The following DGKG variants were observed in gnomAD, a reference collection of about 807,000 sequenced individuals.
DGKG encodes the protein DAG kinase gamma.
In DGKG, 78 loss-of-function variants were observed where a neutral mutation model predicts 105.3. The ratio of observed to expected loss-of-function variants is 0.74; its 90% confidence interval spans 0.62 to 0.89. The LOEUF (loss-of-function observed/expected upper bound fraction) is 0.89. DGKG is among the 40% of genes least tolerant of loss of function. The pLI is 0.00. For synonymous variants in DGKG, 346 were observed against 367.1 expected (o/e 0.94, Z 0.66); for missense variants, 958 against 1,020.1 (o/e 0.94, Z 0.83).
At chr3:186,240,667 G>T (rs1720639283) in intron 20 of DGKG, among the ~76,000 whole-genome samples, 1 of 152,044 alleles carries the variant, frequency 6.6e-6, no homozygotes, top group Admixed American at 6.6e-5. Flanking sequence ...AAAATCAGCT[G>T]GGTGTGGTAG....
intron 14 of DGKG, among the ~76,000 whole-genome samples, chr3:186,262,848 G>A (rs567834788): frequency 6.6e-6 from 1 of 152,144 alleles, no homozygotes; most frequent in African/African-American, 2.4e-5. Flanking sequence ...AAAATTTTTG[G>A]CTGGGCATGA....
rs1477318156 is a variant in DGKG at position 186,355,562 on chromosome 3, TACCACCATTACCCCC to T, written c.-249+6369_-249+6383del. On this transcript the variant is annotated intron_variant, in intron 1 of 24. Transcript: ENST00000265022. Reference sequence around the variant, plus strand: ...ACCACTATCACCACCACCACCACCTTACCACCATTACCCCCACCACCATCACCCCACCACTACCAC... The same window carrying T: ...ACCACTATCACCACCACCACCACCTTACCACCATCACCCCACCACTACCAC... Among the ~76,000 whole-genome samples, 13 of 145,582 alleles carry T rather than the reference TACCACCATTACCCCC, an allele frequency of 8.9e-5. 1 individual carries two copies. The South Asian group carries it at 2.7e-3, about 30-fold the overall frequency.
At chr3:186,270,123 A>G (rs1330266301) in intron 11 of DGKG, among the ~76,000 whole-genome samples, 1 of 96,754 alleles carries the variant, frequency 1.0e-5, no homozygotes, top group Non-Finnish European at 2.1e-5. Context: ...TTTGTATTAA[A>G]TAAGAATAAA....
intron 1 of DGKG, among the ~76,000 whole-genome samples, chr3:186,344,792 T>C (rs1726250173): frequency 1.3e-5 from 2 of 152,194 alleles, no homozygotes; most frequent in South Asian, 2.1e-4. Context: ...TAACAGAAAC[T>C]ATGACTTTTA....
intron 11 of DGKG, among the ~76,000 whole-genome samples, 162 bp from the exon 12 acceptor site, chr3:186,269,079 C>T (rs900616091): frequency 3.3e-5 from 5 of 152,220 alleles, no homozygotes; most frequent in Non-Finnish European, 5.9e-5. Context: ...CCTAATGGCA[C>T]GATGTGGTTC....
intron 24 of DGKG, among the ~76,000 whole-genome samples, chr3:186,156,010 G>A (rs573499686): frequency 2.0e-5 from 3 of 150,292 alleles, no homozygotes; most frequent in Non-Finnish European, 4.4e-5. Flanking sequence ...TTTTTTTTCC[G>A]CTGGATTCTA....
intron 20 of DGKG, among the ~76,000 whole-genome samples, chr3:186,213,067 G>A (rs1037257643): frequency 6.6e-6 from 1 of 152,200 alleles, no homozygotes; most frequent in African/African-American, 2.4e-5. Flanking sequence ...ACTTGAAGAT[G>A]AAACTGTGTT....
chr3:186,242,467 C>T (rs1473976651), intron 20 of DGKG, 37 bp downstream of exon 20: 4 of 1,583,894 alleles, frequency 2.5e-6, no homozygotes, highest in Non-Finnish European at 3.4e-6. Flanking sequence ...CAGGGCCACA[C>T]TGGGTGGGTG....
chr3:186,356,326 G>T (rs1301344519), intron 1 of DGKG, among the ~76,000 whole-genome samples: 1 of 152,198 alleles, frequency 6.6e-6, no homozygotes, highest in Non-Finnish European at 1.5e-5. Context: ...TAGAATCACA[G>T]CCAGAAATAT....
intron 20 of DGKG, among the ~76,000 whole-genome samples, chr3:186,218,632 G>A (rs924117331): frequency 6.6e-5 from 10 of 151,888 alleles, no homozygotes; most frequent in Admixed American, 6.6e-5. Context: ...TTCTACAACT[G>A]CTGCTGTGTA....
chr3:186,150,473 C>T (rs924594236), intron 24 of DGKG, among the ~76,000 whole-genome samples: 1 of 152,148 alleles, frequency 6.6e-6, no homozygotes, highest in African/African-American at 2.4e-5. Context: ...CACAGACTCT[C>T]AGAATGTCAC....
chr3:186,172,947 G>C (rs1305901339), intron 22 of DGKG, among the ~76,000 whole-genome samples: 1 of 152,236 alleles, frequency 6.6e-6, no homozygotes, highest in Admixed American at 6.5e-5. Flanking sequence ...CGGTTCTGGA[G>C]GCTGGAAGTC....
rs541601723 is a variant in DGKG at position 186,299,839 on chromosome 3, T to C, written c.145-1610A>G. Among the ~76,000 whole-genome samples, 250 of 77,292 alleles carry C rather than the reference T, an allele frequency of 3.2e-3. 7 individuals carry two copies. The highest frequency in any genetic ancestry group is 0.012 in the African/African-American group (219 of 18,088). The allele number at this position is 77,292 out of a possible 152,430, so 50.7% of individuals were successfully genotyped here. ...TTTCTTTCTTTCTTTCTTTCTTTCTTTTTTTTTTTTTTTGAGATAGAGCCT... is the reference window on the plus strand; with the variant it reads ...TTTCTTTCTTTCTTTCTTTCTTTCTCTTTTTTTTTTTTTGAGATAGAGCCT... On this transcript the variant is annotated intron_variant, in intron 3 of 24. Transcript: ENST00000265022.
At position 186,149,037 on chromosome 3, in the gene DGKG, C is replaced by T. The variant is rs182113786; in HGVS notation, c.*1053G>A. The T allele has an allele frequency of 4.2e-5, 41 of 983,040 alleles. No individual in the cohort carries two copies. In the East Asian group the frequency reaches 1.1e-3, roughly 27 times the overall value. 60.9% of individuals were successfully genotyped at this position (983,040 alleles called of 1,614,324 possible). On this transcript the variant is annotated 3_prime_UTR_variant, in exon 25 of 25. Coordinates refer to ENST00000265022, the MANE Select transcript of DGKG (RefSeq NM_001346.3). ...ACACACACACACACGCGCGCACACA[C>T]GTTAAGACCATCAGAAGGTCCTTCA...
At position 186,353,584 on chromosome 3, in the gene DGKG, TATATATACAC is replaced by T. The variant is rs1352980709; in HGVS notation, c.-249+8352_-249+8361del. On this transcript the variant is annotated intron_variant, in intron 1 of 24. Coordinates refer to ENST00000265022, the MANE Select transcript of DGKG (RefSeq NM_001346.3). Reference sequence around the variant, plus strand: ...ATGTATGTATATATATATATATATATATATATACACACACACACATACACATATATATAGA... The same window carrying T: ...ATGTATGTATATATATATATATATATACACACACATACACATATATATAGA... Among the ~76,000 whole-genome samples the T allele has an allele frequency of 2.5e-3, 360 of 142,140 alleles. 1 individual carries two copies. The highest frequency in any genetic ancestry group is 8.9e-3 in the African/African-American group (337 of 37,856). The allele number at this position is 142,140 out of a possible 152,430, so 93.2% of individuals were successfully genotyped here. A position where few individuals can be genotyped will look rare whatever the true frequency, so the allele number is the denominator to read the frequency against.
intron 20 of DGKG, among the ~76,000 whole-genome samples, chr3:186,215,852 G>A (rs545582326): frequency 1.3e-5 from 2 of 152,056 alleles, no homozygotes; most frequent in Non-Finnish European, 2.9e-5. Flanking sequence ...CTGAAAGACA[G>A]CACTTTTGTT....
intron 2 of DGKG, among the ~76,000 whole-genome samples, chr3:186,317,703 A>G (rs1724883398): frequency 6.6e-6 from 1 of 152,020 alleles, no homozygotes; most frequent in Non-Finnish European, 1.5e-5. Context: ...GAGGCCTCCC[A>G]CCAGGCTGAG....
At chr3:186,335,223 T>G (rs1450227761) in intron 1 of DGKG, among the ~76,000 whole-genome samples, 2 of 152,028 alleles carry the variant, frequency 1.3e-5, no homozygotes, top group Non-Finnish European at 2.9e-5. Context: ...AGGCGCCTAC[T>G]ACTGCACCTG....
At chr3:186,329,346 TTCTATTTGTTC>T (rs1725494369) in intron 1 of DGKG, among the ~76,000 whole-genome samples, 1 of 152,174 alleles carries the variant, frequency 6.6e-6, no homozygotes, top group South Asian at 2.1e-4. Context: ...CTGGATCAAA[TTCTATTTGTTC>T]TGTACGGATG....
Sources: allele counts gnomAD v4.1 joint callset (sites outside exome capture counted in the v4.1 genomes callset), GRCh38; gene constraint gnomAD v4.1.1; transcripts MANE v1.5; gene names NCBI Gene and HGNC (gene_info 2026-07-23, HGNC 2026-07-21).